APELA: variants seen among roughly 807,000 people sequenced by gnomAD.
The protein encoded by APELA is apelin receptor early endogenous ligand.
chr4:164,889,439 T>G (rs1309079074), intron 2 of APELA, among the ~76,000 whole-genome samples: 2 of 152,234 alleles, frequency 1.3e-5, no homozygotes, highest in African/African-American at 4.8e-5. Context: ...TAATTTACTT[T>G]AATATTGTAT....
chr4:164,888,090 G>C (rs933389961), intron 2 of APELA, among the ~76,000 whole-genome samples: 2 of 151,978 alleles, frequency 1.3e-5, no homozygotes, highest in African/African-American at 2.4e-5. Flanking sequence ...ACCCTGCAAG[G>C]TATAATAAAA....
rs56814028 is a variant in APELA at position 164,887,451 on chromosome 4, A to G, written c.*2-7965A>G. Among the ~76,000 whole-genome samples the G allele has an allele frequency of 4.0e-3, 608 of 152,154 alleles. 5 individuals are homozygous for G. Among genetic ancestry groups the G allele is most frequent in the African/African-American group, 0.014 (572 of 41,500 alleles). On this transcript the variant is annotated intron_variant, in intron 2 of 2. Transcript: ENST00000507152. Reference sequence around the variant, plus strand: ...TGAAAGTTTAAATGGTGATAAGCCTATATCCTAAAACAAAAAAAACACACA... The same window carrying G: ...TGAAAGTTTAAATGGTGATAAGCCTGTATCCTAAAACAAAAAAAACACACA...
At chr4:164,878,303 T>A (rs1022185693) in intron 1 of APELA, among the ~76,000 whole-genome samples, 2 of 152,066 alleles carry the variant, frequency 1.3e-5, no homozygotes, top group African/African-American at 4.8e-5. Context: ...ATATGTTAAA[T>A]TATTCACTTG....
chr4:164,884,121 G>GAAAGAAAGAAACAA (rs5863729), intron 2 of APELA, among the ~76,000 whole-genome samples: 229 of 113,292 alleles, frequency 2.0e-3, no homozygotes, highest in African/African-American at 8.4e-3. Flanking sequence ...AAGAAAGAAA[G>GAAAGAAAGAAACAA]AGAAAGAAAG....
chr4:164,895,624 A>G lies in APELA; in HGVS notation c.*210A>G, dbSNP rs1035611139. 6.6e-6 allele frequency: 1 copy of G among 152,250 alleles called. No individual in the cohort carries two copies. The highest frequency in any genetic ancestry group is 1.5e-5 in the Non-Finnish European group (1 of 68,034). The allele number at this position is 152,250 out of a possible 1,614,324, so 9.4% of individuals were successfully genotyped here. On this transcript the variant is annotated 3_prime_UTR_variant, in exon 3 of 3. Coordinates refer to ENST00000507152, the MANE Select transcript of APELA (RefSeq NM_001297550.2). ...GGCTTCTATTTGGAGGGAAAATAAC[A>G]TAAATTCAAAAGGATTCCAATCTGA...
rs1308444680 is a variant in APELA, at chr4:164,895,646, C to T, written c.*232C>T. 4 of 152,330 alleles carry T rather than the reference C, an allele frequency of 2.6e-5. No individual in the cohort carries two copies. The East Asian group carries it at 5.8e-4, about 22-fold the overall frequency. The allele number at this position is 152,330 out of a possible 1,614,324, so 9.4% of individuals were successfully genotyped here. A position where few individuals can be genotyped will look rare whatever the true frequency, so the allele number is the denominator to read the frequency against. On this transcript the variant is annotated 3_prime_UTR_variant, in exon 3 of 3. Coordinates refer to ENST00000507152, the MANE Select transcript of APELA (RefSeq NM_001297550.2). ...AACATAAATTCAAAAGGATTCCAATCTGAAGCCCAAATCGTTTGCCTACAT... is the reference window on the plus strand; with the variant it reads ...AACATAAATTCAAAAGGATTCCAATTTGAAGCCCAAATCGTTTGCCTACAT...
intron 2 of APELA, among the ~76,000 whole-genome samples, chr4:164,888,106 C>G (rs915273795): frequency 1.9e-4 from 29 of 152,166 alleles, no homozygotes. Flanking sequence ...TAAAATGTAT[C>G]TCTACTCTCT....
chr4:164,892,105 G>A (rs1349764056), intron 2 of APELA, among the ~76,000 whole-genome samples: 2 of 152,040 alleles, frequency 1.3e-5, no homozygotes, highest in African/African-American at 4.8e-5. Flanking sequence ...GAGTCAGGGA[G>A]TTTGAGGCCA....
chr4:164,881,492 A>G (rs567040131), intron 2 of APELA, among the ~76,000 whole-genome samples: 1 of 151,976 alleles, frequency 6.6e-6, no homozygotes, highest in African/African-American at 2.4e-5. Context: ...AACTGAATTA[A>G]TTACACAGAA....
intron 2 of APELA, among the ~76,000 whole-genome samples, chr4:164,888,878 A>C (rs982288363): frequency 7.9e-5 from 12 of 152,190 alleles, no homozygotes; most frequent in African/African-American, 2.4e-4. Context: ...CAGGGCTTTT[A>C]CACATTATTT....
In APELA at chr4:164,877,182, T is replaced by A. The variant is rs1730570363; in HGVS notation, c.-150T>A. 1 of 393,172 alleles carries A rather than the reference T, an allele frequency of 2.5e-6. No homozygotes were observed. Among genetic ancestry groups the A allele is most frequent in the Non-Finnish European group, 4.5e-6 (1 of 222,726 alleles). The allele number at this position is 393,172 out of a possible 1,614,324, so 24.4% of individuals were successfully genotyped here. A position where few individuals can be genotyped will look rare whatever the true frequency, so the allele number is the denominator to read the frequency against. On this transcript the variant is annotated 5_prime_UTR_variant, in exon 1 of 3. An upstream open reading frame in the 5' UTR loses its in-frame stop. Coordinates refer to ENST00000507152, the MANE Select transcript of APELA (RefSeq NM_001297550.2). ...AGAGCACCGGCAACTTTGTCTAATG[T>A]GATCATTAACCTTCCTGCAAAACAC...
intron 2 of APELA, among the ~76,000 whole-genome samples, chr4:164,892,312 C>A (rs1317315548): frequency 6.6e-6 from 1 of 151,996 alleles, no homozygotes; most frequent in African/African-American, 2.4e-5. Flanking sequence ...TGGAGTGTGA[C>A]CCTGTCTCAA....
chr4:164,877,430 CA>C, intron 1 of APELA, 23 bp downstream of exon 1: 1 of 398,910 alleles, frequency 2.5e-6, no homozygotes, highest in Non-Finnish European at 4.4e-6. Flanking sequence ...TACATTTGTA[CA>C]AGTAACTTGT....
intron 2 of APELA, among the ~76,000 whole-genome samples, chr4:164,879,993 C>T (rs1157986255): frequency 2.6e-5 from 4 of 152,174 alleles, no homozygotes; most frequent in African/African-American, 4.8e-5. Context: ...AATCAGTTAA[C>T]TTCAAACACT....
At chr4:164,884,944 C>T (rs1402162552) in intron 2 of APELA, among the ~76,000 whole-genome samples, 1 of 152,112 alleles carries the variant, frequency 6.6e-6, no homozygotes, top group African/African-American at 2.4e-5. Flanking sequence ...CCCACTTTTG[C>T]TCTCAGAGCA....
chr4:164,881,865 T>A (rs1193300821), intron 2 of APELA, among the ~76,000 whole-genome samples: 1 of 118,336 alleles, frequency 8.5e-6, no homozygotes, highest in Non-Finnish European at 1.8e-5. Flanking sequence ...TTTAACCTTG[T>A]CTCTACCAAA....
chr4:164,892,247 A>G (rs569694945), intron 2 of APELA, among the ~76,000 whole-genome samples: 1 of 152,276 alleles, frequency 6.6e-6, no homozygotes, highest in Non-Finnish European at 1.5e-5. Context: ...TCCCAGGCCA[A>G]GGAAGTCAAG....
chr4:164,886,221 G>A (rs996757885), intron 2 of APELA, among the ~76,000 whole-genome samples: 1 of 152,046 alleles, frequency 6.6e-6, no homozygotes, highest in Non-Finnish European at 1.5e-5. Context: ...ATATCTGCAG[G>A]ACATATTGCA....
At chr4:164,887,419 G>A (rs1049917022) in intron 2 of APELA, among the ~76,000 whole-genome samples, 1 of 151,722 alleles carries the variant, frequency 6.6e-6, no homozygotes, top group African/African-American at 2.4e-5. Flanking sequence ...GGATCATCGT[G>A]TCAACTTGAA....
Sources: allele counts gnomAD v4.1 joint callset (sites outside exome capture counted in the v4.1 genomes callset), GRCh38; gene constraint gnomAD v4.1.1; transcripts MANE v1.5; gene names NCBI Gene and HGNC (gene_info 2026-07-23, HGNC 2026-07-21).